The following GCKR variants were observed in gnomAD, a reference collection of about 807,000 sequenced individuals.
The protein encoded by GCKR is glucokinase regulatory protein.
GCKR carries 73 observed loss-of-function variants against 82.9 expected under a neutral mutation model. The ratio of observed to expected loss-of-function variants is 0.88; its 90% CI spans 0.73 to 1.07. The LOEUF (loss-of-function observed/expected upper bound fraction) is 1.07, where lower values mean the gene tolerates loss of function less well. Among genes scored for constraint, GCKR ranks in the 50% least tolerant of loss-of-function variants. The pLI is 0.00. For synonymous variants in GCKR, 294 were observed against 291.8 expected, an observed-to-expected ratio of 1.01 and a Z score of -0.08; for missense variants, 784 against 782.1, an observed-to-expected ratio of 1.00 and a Z score of -0.03.
At chr2:27,513,103 T>G (rs1029211537) in intron 16 of GCKR, among the ~76,000 whole-genome samples, 1 of 152,232 alleles carries the variant, frequency 6.6e-6, no homozygotes, top group African/African-American at 2.4e-5. Flanking sequence ...TCCTCAGCAA[T>G]CTTTCACCCA....
intron 16 of GCKR, among the ~76,000 whole-genome samples, chr2:27,512,332 T>G (rs1273523452): frequency 6.7e-6 from 1 of 149,524 alleles, no homozygotes; most frequent in East Asian, 2.0e-4. Flanking sequence ...GGTCAAGAGT[T>G]CAAGACCAGC....
intron 8 of GCKR, 133 bp from the exon 9 acceptor site, chr2:27,503,381 A>G: frequency 1.4e-6 from 1 of 707,076 alleles, no homozygotes; most frequent in Non-Finnish European, 2.6e-6. Flanking sequence ...AAAGTTCCAA[A>G]GCATATGTCT....
rs187101066 is a variant in GCKR at position 27,511,776 on chromosome 2, T to C, written c.1422+3525T>C. Reference sequence around the variant, plus strand: ...TTTTATTTTGTTTTGTTTTGTTTTCTTTTTTGCCTTCCGAAGTGACAGTGG... The same window carrying C: ...TTTTATTTTGTTTTGTTTTGTTTTCCTTTTTGCCTTCCGAAGTGACAGTGG... On this transcript the variant is annotated intron_variant, in intron 16 of 18. Coordinates refer to ENST00000264717, the MANE Select transcript of GCKR (RefSeq NM_001486.4). Among the ~76,000 whole-genome samples the C allele has an allele frequency of 1.8e-4, 28 of 152,312 alleles. No individual in the cohort carries two copies. In the East Asian group the frequency reaches 5.2e-3, roughly 28 times the overall value.
In GCKR at chr2:27,523,256, C is replaced by T. The variant is rs745688921; in HGVS notation, c.1708-13C>T. The T allele has an allele frequency of 6.2e-6, 10 of 1,610,884 alleles. No individual in the cohort carries two copies. The highest frequency in any genetic ancestry group is 8.5e-6 in the Non-Finnish European group (10 of 1,178,816). On this transcript the variant is annotated splice_polypyrimidine_tract_variant and intron_variant, in intron 18 of 18. Transcript: ENST00000264717. The stretch of plus-strand genomic sequence containing the variant: ...TCCCTCAGGCTTCAGTGCCCACTGC[C>T]TCTTCCCCACAGGTGATACCCATCG...
chr2:27,499,501 T>A, intron 7 of GCKR, 51 bp downstream of exon 7: 1 of 1,183,922 alleles, frequency 8.4e-7, no homozygotes, highest in Non-Finnish European at 1.3e-6. Flanking sequence ...AGGAAGTGAG[T>A]GGGAATGGAA....
chr2:27,503,708 A>G (rs1669640843), intron 9 of GCKR, 89 bp downstream of exon 9: 6 of 738,050 alleles, frequency 8.1e-6, no homozygotes, highest in African/African-American at 1.7e-5. Context: ...TTTAGGTTCT[A>G]TTATATCTTG....
At chr2:27,499,596 G>C in intron 7 of GCKR, 146 bp downstream of exon 7, 2 of 752,422 alleles carry the variant, frequency 2.7e-6, no homozygotes, top group South Asian at 2.8e-5. Context: ...CACTAACTTG[G>C]ATCAAGTTGT....
rs1669790709 is a variant in GCKR at position 27,507,990 on chromosome 2, G to A, written c.1254G>A (p.Glu418=). 6.2e-7 allele frequency: 1 copy of A among 1,612,108 alleles called. No individual in the cohort carries two copies. Among genetic ancestry groups the A allele is most frequent in the African/African-American group, 1.3e-5 (1 of 74,862 alleles). The change falls in exon 15 of 19, where the codon GAG becomes GAA. Residue 418 remains glutamate, a synonymous_variant. Transcript: ENST00000264717. ...CCCTTCTCCTAGACAACCTCACGGA[G>A]GTGCAGACTATAGTGGAGCAGGTGA... ...FIFTLDDNLT[E]VQTIVEQVKE...
At chr2:27,509,266 G>A (rs1669822531) in intron 16 of GCKR, among the ~76,000 whole-genome samples, 2 of 152,166 alleles carry the variant, frequency 1.3e-5, no homozygotes, top group South Asian at 2.1e-4. Context: ...TGACTTACCT[G>A]GACTCAGAAC....
In GCKR at chr2:27,498,249, C is replaced by G; in HGVS notation, c.286-6C>G. Reference sequence around the variant, plus strand: ...CCTGGTAATATATGCCTCTTTCCTTCTTCAGGAGCCAGATGGGGGGCTGGT... The same window carrying G: ...CCTGGTAATATATGCCTCTTTCCTTGTTCAGGAGCCAGATGGGGGGCTGGT... On this transcript the variant is annotated splice_polypyrimidine_tract_variant and splice_region_variant and intron_variant, in intron 3 of 18. Coordinates refer to ENST00000264717, the MANE Select transcript of GCKR (RefSeq NM_001486.4). 6.2e-7 allele frequency: 1 copy of G among 1,610,388 alleles called. No individual in the cohort carries two copies. Among genetic ancestry groups the G allele is most frequent in the African/African-American group, 1.3e-5 (1 of 74,970 alleles).
Position 27,523,336 on chromosome 2 carries a change from C to T in GCKR, c.1775C>T (p.Ala592Val), listed in dbSNP as rs1324081615. The stretch of plus-strand genomic sequence containing the variant: ...ATCACTGAGGCTCAGGCACACCTGG[C>T]TGCAGCTCCTTCTGTCTGTGAGGCT... ...CSITEAQAHL[A>V]AAPSVCEAVR... The change falls in exon 19 of 19, where the codon GCT becomes GTT. Residue 592 changes from alanine to valine, a missense_variant. Physicochemically the swap from Ala to Val is moderately conservative, Grantham distance 64. Coordinates refer to ENST00000264717, the MANE Select transcript of GCKR (RefSeq NM_001486.4). 2 of 1,613,018 alleles carry T rather than the reference C, an allele frequency of 1.2e-6. No homozygotes were observed. Among genetic ancestry groups the T allele is most frequent in the Admixed American group, 3.3e-5 (2 of 60,026 alleles).
At position 27,497,619 on chromosome 2, in the gene GCKR, G is replaced by T. The variant is rs777817281; in HGVS notation, c.274G>T (p.Glu92Ter). Reference protein sequence around the residue: ...TMVQVAGKVQEVLKEPDGGLV... With the variant: ...TMVQVAGKVQ ...GGTACAGGTGGCTGGGAAAGTTCAGGAAGTGCTGAAGGTACTAACCTTCCT... is the reference window on the plus strand; with the variant it reads ...GGTACAGGTGGCTGGGAAAGTTCAGTAAGTGCTGAAGGTACTAACCTTCCT... The change falls in exon 3 of 19, where the codon GAA becomes TAA. Residue 92 changes from glutamate (E) to a stop codon, truncating the protein, a stop_gained. Transcript: ENST00000264717. LOFTEE classifies it high-confidence loss of function. 1 of 1,607,124 alleles carries T rather than the reference G, an allele frequency of 6.2e-7. No individual in the cohort carries two copies. Among genetic ancestry groups the T allele is most frequent in the South Asian group, 1.1e-5 (1 of 90,946 alleles).
intron 3 of GCKR, among the ~76,000 whole-genome samples, chr2:27,497,888 C>T (rs564911338): frequency 6.6e-6 from 1 of 152,272 alleles, no homozygotes; most frequent in East Asian, 1.9e-4. Flanking sequence ...TGTTTGTTTT[C>T]CTCAGATGAA....
intron 8 of GCKR, 133 bp downstream of exon 8, chr2:27,501,362 G>T: frequency 1.4e-6 from 1 of 729,332 alleles, no homozygotes; most frequent in East Asian, 2.7e-5. Context: ...GTAAATATGG[G>T]GTGCCCCTAA....
Position 27,498,779 on chromosome 2 carries a change from TCA to T in GCKR, c.411_412del (p.Ile138CysfsTer4). The T allele has an allele frequency of 6.3e-7, 1 of 1,598,338 alleles. No individual in the cohort carries two copies. Among genetic ancestry groups the T allele is most frequent in the Non-Finnish European group, 8.6e-7 (1 of 1,165,632 alleles). On this transcript the variant is annotated frameshift_variant, in exon 5 of 19. Transcript: ENST00000264717. LOFTEE classifies it high-confidence loss of function. ...GGACAGAAACCTCTTTACACCTACC[TCA>T]TTGCAGGTGGTGACAGGTAAGCCAA...
chr2:27,498,762 AC>A lies in GCKR; in HGVS notation c.395del (p.Pro132LeufsTer32). ...AGCTGATGAAAGGTCTGGGACAGAA[AC>A]CTCTTTACACCTACCTCATTGCAGG... is the stretch of plus-strand genomic sequence containing the variant. ...NQLMKGLGQK[P>X]LYTYLIAGGD... On this transcript the variant is annotated frameshift_variant, in exon 5 of 19. Transcript: ENST00000264717. LOFTEE classifies it high-confidence loss of function. 1 of 1,607,998 alleles carries A rather than the reference AC, an allele frequency of 6.2e-7. No homozygotes were observed. Among genetic ancestry groups the A allele is most frequent in the Non-Finnish European group, 8.5e-7 (1 of 1,174,570 alleles).
intron 6 of GCKR, 41 bp from the exon 7 acceptor site, chr2:27,499,356 A>G (rs770731800): frequency 1.3e-6 from 2 of 1,525,742 alleles, no homozygotes; most frequent in East Asian, 2.2e-5. Context: ...GTGCCCTGGA[A>G]TCCTCCCAGT....
At position 27,507,791 on chromosome 2, in the gene GCKR, T is replaced by C; in HGVS notation, c.1240+14T>C. ...TCACCCTGGATGGTGAGAGGGAAGA[T>C]GGGAGTGGTGAGGGGTGGGGAGGGG... On this transcript the variant is annotated intron_variant, in intron 14 of 18. Transcript: ENST00000264717. 2 of 1,460,746 alleles carry C rather than the reference T, an allele frequency of 1.4e-6. No individual in the cohort carries two copies. Among genetic ancestry groups the C allele is most frequent in the South Asian group, 2.3e-5 (2 of 87,938 alleles). The allele number at this position is 1,460,746 out of a possible 1,614,324, so 90.5% of individuals were successfully genotyped here. A position where few individuals can be genotyped will look rare whatever the true frequency, so the allele number is the denominator to read the frequency against.
intron 16 of GCKR, among the ~76,000 whole-genome samples, chr2:27,516,448 A>G (rs941178528): frequency 6.6e-6 from 1 of 151,096 alleles, no homozygotes; most frequent in Non-Finnish European, 1.5e-5. Context: ...GCGCCACTAC[A>G]CCAGGCAAAT....
Sources: allele counts gnomAD v4.1 joint callset (sites outside exome capture counted in the v4.1 genomes callset), GRCh38; gene constraint gnomAD v4.1.1; transcripts MANE v1.5; gene names NCBI Gene and HGNC (gene_info 2026-07-23, HGNC 2026-07-21).